The following CHRNA7 variants were observed in gnomAD, a reference collection of about 807,000 sequenced individuals.
The protein encoded by CHRNA7 is cholinergic receptor nicotinic alpha 7 subunit.
A neutral mutation model predicts 48.0 loss-of-function variants in CHRNA7; 17 were observed. The observed-to-expected ratio is 0.35, with a 90% confidence interval of 0.24 to 0.53. The LOEUF (loss-of-function observed/expected upper bound fraction) is 0.53. CHRNA7 is among the 20% of genes least tolerant of loss of function. CHRNA7 has a pLI of 0.92. For missense variants in CHRNA7, 155 were observed against 577.7 expected, an observed-to-expected ratio of 0.27 and a Z score of 7.50; for synonymous variants, 75 against 242.3, an observed-to-expected ratio of 0.31 and a Z score of 6.41.
chr15:32,143,107 TG>T, intron 4 of CHRNA7, among the ~76,000 whole-genome samples: 1 of 152,370 alleles, frequency 6.6e-6, no homozygotes, highest in East Asian at 1.9e-4. Context: ...CCAGAGATTC[TG>T]GTACGTTGTG....
rs186490045 is a variant in CHRNA7, at chr15:32,076,603, G to A, written c.196-24700G>A. Among the ~76,000 whole-genome samples, 42 of 152,132 alleles carry A rather than the reference G, an allele frequency of 2.8e-4. No homozygotes were observed. The East Asian group carries it at 5.8e-3, about 21-fold the overall frequency. On this transcript the variant is annotated intron_variant, in intron 2 of 9. Transcript: ENST00000306901. ...TATAGTTTGGTCATGCTTTTTTGTT[G>A]CTGTTTTTAGTAGATTTTATTTTTA...
intron 2 of CHRNA7, chr15:32,098,871 AAC>A (rs59894827): frequency 0.03 from 4,008 of 134,750 alleles, 76 homozygotes; most frequent in Non-Finnish European, 0.042. Context: ...CCCCCCCACC[AAC>A]ACACACACAC....
intron 2 of CHRNA7, among the ~76,000 whole-genome samples, chr15:32,036,581 C>T (rs1273196810): frequency 6.6e-6 from 1 of 152,188 alleles, no homozygotes; most frequent in African/African-American, 2.4e-5. Context: ...TGCCCTTTAT[C>T]CATGTCAGCA....
intron 4 of CHRNA7, among the ~76,000 whole-genome samples, chr15:32,150,948 G>A (rs555120976): frequency 3.3e-5 from 5 of 150,022 alleles, no homozygotes; most frequent in South Asian, 2.1e-4. Context: ...TGGAAGTAAG[G>A]GGGGGGGATG....
chr15:32,135,924 C>T (rs142089145), intron 4 of CHRNA7, among the ~76,000 whole-genome samples: 24 of 152,136 alleles, frequency 1.6e-4, no homozygotes, highest in African/African-American at 5.8e-4. Flanking sequence ...ACGAAAATAA[C>T]GTCTTTTAAG....
chr15:32,091,561 C>T (rs2050382318), intron 2 of CHRNA7, among the ~76,000 whole-genome samples: 1 of 152,168 alleles, frequency 6.6e-6, no homozygotes, highest in Non-Finnish European at 1.5e-5. Context: ...CCTGGTTCTC[C>T]ACTTTCAGCC....
At chr15:32,067,387 G>A (rs1242321725) in intron 2 of CHRNA7, among the ~76,000 whole-genome samples, 2 of 152,336 alleles carry the variant, frequency 1.3e-5, no homozygotes, top group South Asian at 2.1e-4. Context: ...CAAAGTGCTG[G>A]AAGAAAAGAC....
intron 4 of CHRNA7, among the ~76,000 whole-genome samples, chr15:32,130,443 ATTTTC>A (rs1226331484): frequency 6.6e-6 from 1 of 150,662 alleles, no homozygotes; most frequent in Non-Finnish European, 1.5e-5. Flanking sequence ...ATCTTTCATA[ATTTTC>A]TTTTCTCTAA....
At chr15:32,152,871 T>G (rs571000736) in intron 4 of CHRNA7, among the ~76,000 whole-genome samples, 45 of 152,160 alleles carry the variant, frequency 3.0e-4, no homozygotes, top group Non-Finnish European at 5.6e-4. Context: ...AAGACAAGGC[T>G]AGTACAGGCT....
intron 2 of CHRNA7, among the ~76,000 whole-genome samples, chr15:32,068,229 TTGAGTGCA>T (rs1294913405): frequency 6.6e-6 from 1 of 152,138 alleles, no homozygotes; most frequent in Non-Finnish European, 1.5e-5. Context: ...GGAGGATTGC[TTGAGTGCA>T]TGAGTTTGAG....
At chr15:32,114,468 A>G (rs377045064) in intron 4 of CHRNA7, among the ~76,000 whole-genome samples, 1 of 152,136 alleles carries the variant, frequency 6.6e-6, no homozygotes, top group East Asian at 1.9e-4. Context: ...GCTCTACTGA[A>G]GGATCCTGCT....
At chr15:32,108,387 G>A (rs556697728) in intron 3 of CHRNA7, among the ~76,000 whole-genome samples, 7 of 152,302 alleles carry the variant, frequency 4.6e-5, no homozygotes, top group African/African-American at 1.4e-4. Flanking sequence ...GTTCATTGAC[G>A]CTTCTTTTCA....
Position 32,047,027 on chromosome 15 carries a change from A to T in CHRNA7, c.195+15990A>T, listed in dbSNP as rs1271552628. Among the ~76,000 whole-genome samples, 6 of 140,952 alleles carry T rather than the reference A, an allele frequency of 4.3e-5. No homozygotes were observed. In the South Asian group the frequency reaches 1.3e-3, roughly 31 times the overall value. 92.5% of individuals were successfully genotyped at this position (140,952 alleles called of 152,430 possible). A position where few individuals can be genotyped will look rare whatever the true frequency, so the allele number is the denominator to read the frequency against. On this transcript the variant is annotated intron_variant, in intron 2 of 9. Coordinates refer to ENST00000306901, the MANE Select transcript of CHRNA7 (RefSeq NM_000746.6). ...GGGCTCTGTTCTGTTCCATTGGTCT[A>T]TATCTCTGTTTTGGTACCAGTACCA...
At chr15:32,113,804 A>G (rs1383220817) in intron 4 of CHRNA7, among the ~76,000 whole-genome samples, 1 of 151,894 alleles carries the variant, frequency 6.6e-6, no homozygotes, top group Non-Finnish European at 1.5e-5. Flanking sequence ...GAAATCAAGA[A>G]TAAATTTTAT....
chr15:32,145,183 GGTCTGT>G (rs2051462241), intron 4 of CHRNA7, among the ~76,000 whole-genome samples: 1 of 151,752 alleles, frequency 6.6e-6, no homozygotes, highest in African/African-American at 2.4e-5. Context: ...CTCAGCTGCA[GGTCTGT>G]TGGAGTTTGC....
intron 2 of CHRNA7, among the ~76,000 whole-genome samples, chr15:32,050,005 C>T (rs1392065824): frequency 4.6e-5 from 7 of 152,152 alleles, no homozygotes; most frequent in African/African-American, 7.2e-5. Flanking sequence ...GAGTTTCTGC[C>T]GAGAGATCCG....
At chr15:32,166,739 G>C (rs962136145) in intron 9 of CHRNA7, among the ~76,000 whole-genome samples, 8 of 143,562 alleles carry the variant, frequency 5.6e-5, no homozygotes, top group African/African-American at 2.2e-4. Context: ...GGATGGGCTT[G>C]CAAGAATGCT....
intron 3 of CHRNA7, among the ~76,000 whole-genome samples, chr15:32,108,253 C>T (rs2050704302): frequency 6.6e-6 from 1 of 152,134 alleles, no homozygotes; most frequent in Admixed American, 6.5e-5. Flanking sequence ...CCTCCCTTCC[C>T]TTCAGTGTCC....
At chr15:32,085,918 G>A (rs1018063098) in intron 2 of CHRNA7, among the ~76,000 whole-genome samples, 2 of 152,248 alleles carry the variant, frequency 1.3e-5, no homozygotes, top group South Asian at 2.1e-4. Context: ...CTGGCCAGTC[G>A]TTGTTACCCT....
Sources: allele counts gnomAD v4.1 joint callset (sites outside exome capture counted in the v4.1 genomes callset), GRCh38; gene constraint gnomAD v4.1.1; transcripts MANE v1.5; gene names NCBI Gene and HGNC (gene_info 2026-07-23, HGNC 2026-07-21).